The following KIAA1958 variants were observed in gnomAD, a reference collection of about 807,000 sequenced individuals.
KIAA1958 encodes the protein KIAA1958.
KIAA1958 carries 14 observed loss-of-function variants against 47.2 expected under a neutral mutation model. The observed-to-expected ratio is 0.30, with a 90% CI of 0.20 to 0.46. KIAA1958 has a LOEUF of 0.46. Ranked by LOEUF, KIAA1958 falls within the 20% of genes least tolerant of loss-of-function variation. The probability of loss-of-function intolerance (pLI) is 1.00; values close to 1 mark genes in which losing one functional copy is unlikely to be tolerated. For synonymous variants in KIAA1958, 354 were observed against 353.3 expected, an observed-to-expected ratio of 1.00 and a Z score of -0.02; for missense variants, 803 against 909.2, an observed-to-expected ratio of 0.88 and a Z score of 1.50.
chr9:112,649,538 C>T (rs1837026774), intron 3 of KIAA1958, among the ~76,000 whole-genome samples: 1 of 151,820 alleles, frequency 6.6e-6, no homozygotes, highest in African/African-American at 2.4e-5. Flanking sequence ...TAATTGGAAT[C>T]CCTGAAAAAG....
intron 3 of KIAA1958, among the ~76,000 whole-genome samples, chr9:112,654,246 T>TA (rs1837111020): frequency 6.6e-6 from 1 of 152,146 alleles, no homozygotes; most frequent in Non-Finnish European, 1.5e-5. Flanking sequence ...ACATAAAAAA[T>TA]AAGATTTTCT....
At chr9:112,584,194 C>A (rs1835784376) in intron 2 of KIAA1958, among the ~76,000 whole-genome samples, 1 of 152,184 alleles carries the variant, frequency 6.6e-6, no homozygotes, top group African/African-American at 2.4e-5. Flanking sequence ...CCCTTCTTTT[C>A]TGGGTGACTG....
In KIAA1958 at chr9:112,659,606, A is replaced by G; in HGVS notation, c.1688A>G (p.Asn563Ser). The G allele has an allele frequency of 1.9e-6, 3 of 1,613,470 alleles. No individual in the cohort carries two copies. Among genetic ancestry groups the G allele is most frequent in the Admixed American group, 1.7e-5 (1 of 60,000 alleles). ...CTCCTGTCCACTGTGGTCAAGTACA[A>G]CAGCCAGTACCTGAACATGCGGACG... Reference protein sequence around the residue: ...ITLLSTVVKYNSQYLNMRTLQ... With the variant: ...ITLLSTVVKYSSQYLNMRTLQ... Residue 563 changes from asparagine to serine, a missense_variant, in exon 4 of 4, where the codon AAC (asparagine) becomes AGC (serine). Physicochemically the swap from Asn to Ser is conservative, Grantham distance 46. Coordinates refer to ENST00000337530, the MANE Select transcript of KIAA1958 (RefSeq NM_133465.4).
At chr9:112,637,029 G>A (rs1356453834) in intron 2 of KIAA1958, among the ~76,000 whole-genome samples, 4 of 151,968 alleles carry the variant, frequency 2.6e-5, no homozygotes, top group South Asian at 2.1e-4. Flanking sequence ...AGATGTAAAC[G>A]TGCACTCTTG....
At chr9:112,647,723 A>G (rs915666161) in intron 3 of KIAA1958, among the ~76,000 whole-genome samples, 1 of 152,248 alleles carries the variant, frequency 6.6e-6, no homozygotes, top group African/African-American at 2.4e-5. Context: ...TTCTTTTTAG[A>G]CAGAATGGGC....
intron 1 of KIAA1958, among the ~76,000 whole-genome samples, chr9:112,550,784 GTATCACCTGTGTGAACC>G (rs371559196): frequency 3.1e-4 from 47 of 152,122 alleles, no homozygotes; most frequent in African/African-American, 8.7e-4. Flanking sequence ...ATGTAAACTT[GTATCACCTGTGTGAACC>G]TATCACCTGT....
intron 1 of KIAA1958, among the ~76,000 whole-genome samples, chr9:112,546,207 C>A (rs2132830679): frequency 6.6e-6 from 1 of 152,074 alleles, no homozygotes; most frequent in East Asian, 1.9e-4. Flanking sequence ...GTCCTCACTG[C>A]TCATTATATG....
chr9:112,618,580 G>A lies in KIAA1958; in HGVS notation c.1172-27070G>A. 1 of 1,550,654 alleles carries A rather than the reference G, an allele frequency of 6.4e-7. No homozygotes were observed. The highest frequency in any genetic ancestry group is 8.7e-7 in the Non-Finnish European group (1 of 1,147,002). On this transcript the variant is annotated intron_variant, in intron 2 of 3. Coordinates refer to ENST00000337530, the MANE Select transcript of KIAA1958 (RefSeq NM_133465.4). This position sits in a 1 kb window ranked among gnomAD's most constrained non-coding sequence, Gnocchi z 7.1. ...ACTATAAGGAGTATGCCCAGCGGCG[G>A]CCTCCCGCCATGCGCTACGAGGATG...
chr9:112,640,258 T>C (rs918760309), intron 2 of KIAA1958, among the ~76,000 whole-genome samples: 1 of 152,224 alleles, frequency 6.6e-6, no homozygotes, highest in Non-Finnish European at 1.5e-5. Flanking sequence ...CTGTAACTCT[T>C]ACAGTTAAGC....
chr9:112,504,096 C>G (rs1587991612), intron 1 of KIAA1958, among the ~76,000 whole-genome samples: 1 of 151,892 alleles, frequency 6.6e-6, no homozygotes, highest in South Asian at 2.1e-4. Context: ...TGATGGTGGG[C>G]AACAGTGTCT....
intron 2 of KIAA1958, among the ~76,000 whole-genome samples, chr9:112,589,069 C>T (rs1407848603): frequency 2.0e-5 from 3 of 152,126 alleles, no homozygotes; most frequent in Non-Finnish European, 2.9e-5. Flanking sequence ...CGTGAGCCAC[C>T]GTGCCCAGCT....
chr9:112,561,015 T>C lies in KIAA1958; in HGVS notation c.-24-13042T>C, dbSNP rs998098629. ...ACACTGAAAATGGAACAGGTTTTTATGGTTTTATGCTCTCTTAGCACTCAG... is the reference window on the plus strand; with the variant it reads ...ACACTGAAAATGGAACAGGTTTTTACGGTTTTATGCTCTCTTAGCACTCAG... On this transcript the variant is annotated intron_variant, in intron 1 of 3. Transcript: ENST00000337530. Among the ~76,000 whole-genome samples, 4 of 152,126 alleles carry C rather than the reference T, an allele frequency of 2.6e-5. No individual in the cohort carries two copies. The South Asian group carries it at 8.3e-4, about 32-fold the overall frequency.
intron 2 of KIAA1958, among the ~76,000 whole-genome samples, chr9:112,610,260 TTTA>T (rs1836303569): frequency 6.6e-6 from 1 of 151,720 alleles, no homozygotes; most frequent in African/African-American, 2.4e-5. Flanking sequence ...ACTTAAAAAT[TTTA>T]TTAATATAAA....
At position 112,668,456 on chromosome 9, in the gene KIAA1958, A is replaced by C. The variant is rs896435571; in HGVS notation, c.*8387A>C. On this transcript the variant is annotated 3_prime_UTR_variant, in exon 4 of 4. Transcript: ENST00000337530. ...TTAAATTCAGACATCAAGGGAATGA[A>C]TGCAGTTTTAAAAATCCGAATTATT... The C allele has an allele frequency of 2.0e-5, 3 of 152,222 alleles. No individual in the cohort carries two copies. Among genetic ancestry groups the C allele is most frequent in the African/African-American group, 7.2e-5 (3 of 41,462 alleles). 9.4% of individuals were successfully genotyped at this position (152,222 alleles called of 1,614,324 possible). A position where few individuals can be genotyped will look rare whatever the true frequency, so the allele number is the denominator to read the frequency against.
intron 1 of KIAA1958, among the ~76,000 whole-genome samples, chr9:112,560,181 GCTTTTTTTTTCTTTTT>G (rs1835302368): frequency 6.9e-6 from 1 of 145,608 alleles, no homozygotes; most frequent in African/African-American, 2.5e-5. Context: ...TTTTGAAGCT[GCTTTTTTTTTCTTTTT>G]CTTTTTTTTT....
intron 2 of KIAA1958, among the ~76,000 whole-genome samples, chr9:112,606,382 AT>A (rs1564188709): frequency 6.6e-6 from 1 of 152,154 alleles, no homozygotes; most frequent in Admixed American, 6.5e-5. Flanking sequence ...AGAAAAAAAA[AT>A]TTGTACTTGC....
At chr9:112,520,287 G>C (rs1259825190) in intron 1 of KIAA1958, among the ~76,000 whole-genome samples, 2 of 152,198 alleles carry the variant, frequency 1.3e-5, no homozygotes, top group African/African-American at 4.8e-5. Context: ...TTCAGTTGTA[G>C]ATAAGACAAT....
Position 112,587,442 on chromosome 9 carries a change from G to A in KIAA1958, c.1171+12191G>A, listed in dbSNP as rs149581206. ...TGGGATTACAGGCATGAGCTACTGC[G>A]CCTGGCCCAGAAGTATTTTTAGAGC... On this transcript the variant is annotated intron_variant, in intron 2 of 3. Transcript: ENST00000337530. Among the ~76,000 whole-genome samples the A allele has an allele frequency of 7.2e-4, 109 of 152,256 alleles. 1 individual carries two copies. The highest frequency in any genetic ancestry group is 2.5e-3 in the African/African-American group (105 of 41,560).
Position 112,532,763 on chromosome 9 carries a change from T to C in KIAA1958, c.-24-41294T>C, listed in dbSNP as rs574975633. ...TAAGCTAGTGTACCTTTCAGCAGAC[T>C]GCCCATGAATTCTTCATAATGGGAT... On this transcript the variant is annotated intron_variant, in intron 1 of 3. Coordinates refer to ENST00000337530, the MANE Select transcript of KIAA1958 (RefSeq NM_133465.4). Among the ~76,000 whole-genome samples the C allele has an allele frequency of 2.0e-5, 3 of 152,344 alleles. No homozygotes were observed. The South Asian group carries it at 6.2e-4, about 32-fold the overall frequency.
Sources: gnomAD v4.1 joint callset for allele counts (sites outside exome capture counted in the v4.1 genomes callset) on GRCh38, gnomAD v4.1.1 for gene constraint, Gnocchi (gnomAD v3.1) non-coding constraint, MANE v1.5 for transcripts, NCBI Gene and HGNC (gene_info 2026-07-23, HGNC 2026-07-21) for gene names.